The following SKAP1 variants were observed in gnomAD, a reference collection of about 807,000 sequenced individuals.
The protein encoded by SKAP1 is src kinase-associated phosphoprotein 1.
SKAP1 carries 44 observed loss-of-function variants against 58.5 expected under a neutral mutation model. That is an observed-to-expected ratio of 0.75 (90% CI 0.59 to 0.97). The LOEUF is 0.97. Among genes scored for constraint, SKAP1 ranks in the 50% least tolerant of loss-of-function variants. The pLI is 0.00. For missense variants in SKAP1, 390 were observed against 435.2 expected (o/e 0.90, Z 0.92); for synonymous variants, 127 against 149.7 (o/e 0.85, Z 1.11).
At chr17:48,407,449 C>A (rs1167408319) in intron 1 of SKAP1, among the ~76,000 whole-genome samples, 1 of 152,166 alleles carries the variant, frequency 6.6e-6, no homozygotes. Flanking sequence ...TCCTCACTCC[C>A]CTTTGATTTA....
At chr17:48,428,088 C>A (rs2067873117) in intron 1 of SKAP1, among the ~76,000 whole-genome samples, 1 of 152,016 alleles carries the variant, frequency 6.6e-6, no homozygotes, top group Non-Finnish European at 1.5e-5. Flanking sequence ...TTACAGGAAC[C>A]TTTAAAAAAC....
intron 2 of SKAP1, among the ~76,000 whole-genome samples, chr17:48,369,417 C>T (rs1366909742): frequency 6.8e-6 from 1 of 147,990 alleles, no homozygotes; most frequent in Admixed American, 6.8e-5. Flanking sequence ...CATGAGCCTG[C>T]GAGGTTGAGG....
intron 2 of SKAP1, among the ~76,000 whole-genome samples, chr17:48,393,273 A>G (rs1319374978): frequency 1.3e-5 from 2 of 152,220 alleles, no homozygotes; most frequent in African/African-American, 2.4e-5. Context: ...TTTGTGTTAC[A>G]TGGAAAATAT....
intron 11 of SKAP1, among the ~76,000 whole-genome samples, chr17:48,153,820 G>T (rs1174600591): frequency 6.7e-6 from 1 of 150,066 alleles, no homozygotes; most frequent in Non-Finnish European, 1.5e-5. Flanking sequence ...CAACCAGAGG[G>T]TATGGTGCCT....
At chr17:48,228,428 T>C (rs2065093076) in intron 4 of SKAP1, among the ~76,000 whole-genome samples, 1 of 152,218 alleles carries the variant, frequency 6.6e-6, no homozygotes, top group Non-Finnish European at 1.5e-5. Flanking sequence ...GATGCTTCTA[T>C]AGGTTGGTTT....
chr17:48,331,607 G>A (rs1039790862), intron 4 of SKAP1, among the ~76,000 whole-genome samples: 1 of 152,112 alleles, frequency 6.6e-6, no homozygotes, highest in South Asian at 2.1e-4. Flanking sequence ...GCTGAGGCAG[G>A]AGAACCGCTT....
intron 4 of SKAP1, among the ~76,000 whole-genome samples, chr17:48,319,269 C>T (rs994247689): frequency 2.0e-5 from 3 of 152,054 alleles, no homozygotes; most frequent in African/African-American, 4.8e-5. Context: ...CCTGCCACAC[C>T]CTTTCTATAG....
intron 2 of SKAP1, among the ~76,000 whole-genome samples, chr17:48,388,064 T>C (rs909111174): frequency 2.6e-5 from 4 of 152,224 alleles, no homozygotes; most frequent in Non-Finnish European, 5.9e-5. Flanking sequence ...AGGCAGTCTA[T>C]GATTTTCTGA....
intron 10 of SKAP1, among the ~76,000 whole-genome samples, chr17:48,163,290 A>T (rs1166209580): frequency 1.3e-5 from 2 of 152,200 alleles, no homozygotes; most frequent in Admixed American, 1.3e-4. Context: ...CTGCATTAAA[A>T]ATGAAAGCAA....
At chr17:48,237,062 T>C (rs1430850854) in intron 4 of SKAP1, among the ~76,000 whole-genome samples, 3 of 152,232 alleles carry the variant, frequency 2.0e-5, no homozygotes, top group African/African-American at 7.2e-5. Context: ...TATTAGGTCA[T>C]GAAGTTGGAT....
intron 4 of SKAP1, among the ~76,000 whole-genome samples, chr17:48,217,419 G>T (rs1227766282): frequency 1.3e-5 from 2 of 152,064 alleles, no homozygotes; most frequent in Non-Finnish European, 2.9e-5. Flanking sequence ...GACCGAGATG[G>T]GTGGATTGCT....
chr17:48,175,613 T>C (rs2064278689), intron 9 of SKAP1, among the ~76,000 whole-genome samples: 1 of 152,178 alleles, frequency 6.6e-6, no homozygotes, highest in South Asian at 2.1e-4. Context: ...ACTGCAACAC[T>C]TGGAATGCAC....
intron 11 of SKAP1, chr17:48,156,393 G>T: frequency 2.9e-6 from 1 of 349,154 alleles, no homozygotes. Flanking sequence ...ACGAGTCGCA[G>T]GCTCTCAGGA....
In SKAP1 at chr17:48,138,519, A is replaced by G. The variant is rs183933992; in HGVS notation, c.979-1182T>C. Among the ~76,000 whole-genome samples, 148 of 151,568 alleles carry G rather than the reference A, an allele frequency of 9.8e-4. 1 individual carries two copies. The highest frequency in any genetic ancestry group is 2.9e-3 in the African/African-American group (118 of 41,332). On this transcript the variant is annotated intron_variant, in intron 11 of 12. Coordinates refer to ENST00000336915, the MANE Select transcript of SKAP1 (RefSeq NM_003726.4). ...CGATTAGCTGGGATTACAGGCGCGC[A>G]CCACCACGCCCGGCTAATTTTTCTA...
chr17:48,167,059 T>A (rs1199212200), intron 10 of SKAP1, among the ~76,000 whole-genome samples: 2 of 151,868 alleles, frequency 1.3e-5, no homozygotes, highest in African/African-American at 4.8e-5. Context: ...AAACACAGGG[T>A]CTCACTTTGT....
chr17:48,215,138 T>C (rs1187530449), intron 4 of SKAP1, among the ~76,000 whole-genome samples: 1 of 151,950 alleles, frequency 6.6e-6, no homozygotes, highest in East Asian at 1.9e-4. Flanking sequence ...ATACTAACTG[T>C]AATGTTCCTA....
In SKAP1 at chr17:48,311,832, C is replaced by G. The variant is rs1036292528; in HGVS notation, c.280+34073G>C. On this transcript the variant is annotated intron_variant, in intron 4 of 12. Transcript: ENST00000336915. ...TACTTTAGAGTTTACAGACAGAAAT[C>G]ACATATATTCTGACACAAAAAGATA... Among the ~76,000 whole-genome samples, 3 of 152,264 alleles carry G rather than the reference C, an allele frequency of 2.0e-5. No individual in the cohort carries two copies. In the South Asian group the frequency reaches 6.2e-4, roughly 32 times the overall value.
rs2064082323 is a variant in SKAP1 at position 48,162,459 on chromosome 17, C to T, written c.978+10G>A. 1 of 1,601,480 alleles carries T rather than the reference C, an allele frequency of 6.2e-7. No individual in the cohort carries two copies. Among genetic ancestry groups the T allele is most frequent in the East Asian group, 2.2e-5 (1 of 44,772 alleles). ...ACTTTCTATTTAAGCCCCACACTTT[C>T]TGTCCTTACCTTGCTCAGAATACGG... On this transcript the variant is annotated intron_variant, in intron 11 of 12. Transcript: ENST00000336915.
chr17:48,334,588 T>TA (rs890036179), intron 4 of SKAP1, among the ~76,000 whole-genome samples: 10 of 150,888 alleles, frequency 6.6e-5, no homozygotes, highest in African/African-American at 2.2e-4. Flanking sequence ...GCCTTTACAT[T>TA]AAAAAAAAAT....
Sources: allele counts gnomAD v4.1 joint callset (sites outside exome capture counted in the v4.1 genomes callset), GRCh38; gene constraint gnomAD v4.1.1; transcripts MANE v1.5; gene names NCBI Gene and HGNC (gene_info 2026-07-23, HGNC 2026-07-21).